TLN2: variants seen among roughly 807,000 people sequenced by gnomAD.
TLN2 encodes talin-2.
TLN2 carries 118 observed loss-of-function variants against 294.7 expected under a neutral mutation model. That is an observed-to-expected ratio of 0.40 (90% CI 0.34 to 0.47). The LOEUF is 0.47. TLN2 is among the 20% of genes least tolerant of loss of function. The probability of loss-of-function intolerance (pLI) is 0.84; values close to 1 mark genes in which losing one functional copy is unlikely to be tolerated. For missense variants in TLN2, 3,083 were observed against 3,282.2 expected, an observed-to-expected ratio of 0.94 and a Z score of 1.48; for synonymous variants, 1,431 against 1,304.5, an observed-to-expected ratio of 1.10 and a Z score of -2.09.
At chr15:62,623,438 C>T (rs981185745) in intron 3 of TLN2, among the ~76,000 whole-genome samples, 30 of 152,140 alleles carry the variant, frequency 2.0e-4, no homozygotes, top group African/African-American at 2.4e-5. Context: ...TCTACCAAAA[C>T]CAACTTACAT....
chr15:62,829,394 A>C (rs79880139), intron 54 of TLN2: 1 of 151,636 alleles, frequency 6.6e-6, no homozygotes, highest in Non-Finnish European at 1.5e-5. Flanking sequence ...GTGTAGGGGA[A>C]CTCCCCTTTA....
At chr15:62,812,676 G>A (rs900942121) in intron 52 of TLN2, among the ~76,000 whole-genome samples, 2 of 152,158 alleles carry the variant, frequency 1.3e-5, no homozygotes, top group African/African-American at 4.8e-5. Flanking sequence ...CCCAGTATCC[G>A]GGAATGAGGT....
intron 1 of TLN2, among the ~76,000 whole-genome samples, chr15:62,588,717 A>G (rs541783503): frequency 2.8e-5 from 4 of 141,284 alleles, no homozygotes; most frequent in South Asian, 2.3e-4. Context: ...TGAAATATAC[A>G]TATGAAGGCC....
chr15:62,576,686 A>G (rs1399049631), intron 1 of TLN2, among the ~76,000 whole-genome samples: 3 of 120,070 alleles, frequency 2.5e-5, no homozygotes, highest in Non-Finnish European at 4.9e-5. Context: ...CACATAAAAG[A>G]GTAATATGGA....
chr15:62,609,589 A>C (rs1019532017), intron 2 of TLN2, among the ~76,000 whole-genome samples: 3 of 152,178 alleles, frequency 2.0e-5, no homozygotes, highest in Admixed American at 1.3e-4. Context: ...GTGTCTTTCC[A>C]CATTCTTGAA....
At chr15:62,531,030 T>G (rs2041013617) in intron 1 of TLN2, among the ~76,000 whole-genome samples, 1 of 152,234 alleles carries the variant, frequency 6.6e-6, no homozygotes, top group Non-Finnish European at 1.5e-5. Context: ...TAGTATGTAT[T>G]GCCATTCAGA....
Position 62,762,409 on chromosome 15 carries a change from C to T in TLN2, c.4917C>T (p.Ser1639=). The T allele has an allele frequency of 6.2e-7, 1 of 1,614,158 alleles. No individual in the cohort carries two copies. ...CCTGGTCTGTACTGGCTGGACATTC[C>T]CATACAGTGTCCGACTCCATCAAGA... ...PPTWSVLAGH[S]HTVSDSIKSL... The change falls in exon 39 of 59, where the codon TCC becomes TCT. Residue 1639 remains serine, a synonymous_variant. Transcript: ENST00000636159.
rs531019898 is a variant in TLN2 at position 62,484,223 on chromosome 15, T to C, written c.-238+93538T>C. The stretch of plus-strand genomic sequence containing the variant: ...AGTGAATTGGACTTGGAGACTTGAA[T>C]GCTAGTGCTCTGGGCCACTGGTGTC... On this transcript the variant is annotated intron_variant, in intron 1 of 58. Coordinates refer to ENST00000636159, the MANE Select transcript of TLN2 (RefSeq NM_015059.3). 4.3e-3 allele frequency among the ~76,000 whole-genome samples: 648 copies of C among 152,276 alleles called. 4 individuals are homozygous for C. The highest frequency in any genetic ancestry group is 7.1e-3 in the Non-Finnish European group (486 of 68,026).
At chr15:62,649,290 A>C (rs1264360934) in intron 4 of TLN2, among the ~76,000 whole-genome samples, 5 of 127,430 alleles carry the variant, frequency 3.9e-5, no homozygotes, top group Non-Finnish European at 6.8e-5. Flanking sequence ...TTTCTGTCGG[A>C]TTTTTTTTTT....
intron 1 of TLN2, among the ~76,000 whole-genome samples, chr15:62,461,283 C>A (rs1471695101): frequency 6.6e-6 from 1 of 152,038 alleles, no homozygotes; most frequent in Admixed American, 6.6e-5. Context: ...ATGGACCTGC[C>A]CAGTGTGTCC....
At chr15:62,432,973 A>C (rs1455314129) in intron 1 of TLN2, among the ~76,000 whole-genome samples, 2 of 152,098 alleles carry the variant, frequency 1.3e-5, no homozygotes, top group African/African-American at 4.8e-5. Context: ...TGTTTGACAT[A>C]GTTTCTGAAA....
At position 62,768,407 on chromosome 15, in the gene TLN2, G is replaced by A. The variant is rs190709652; in HGVS notation, c.5196+1985G>A. ...TAATCACATTGTCACCTGCTCTTCG[G>A]TGTCTCTTCTGTCTCTTAGATGGAC... On this transcript the variant is annotated intron_variant, in intron 41 of 58. Transcript: ENST00000636159. Among the ~76,000 whole-genome samples the A allele has an allele frequency of 2.6e-3, 399 of 152,244 alleles. 2 individuals are homozygous for A. The highest frequency in any genetic ancestry group is 4.5e-3 in the Non-Finnish European group (306 of 68,012).
intron 41 of TLN2, among the ~76,000 whole-genome samples, chr15:62,770,150 A>T (rs1260313251): frequency 1.3e-5 from 2 of 152,148 alleles, no homozygotes; most frequent in Non-Finnish European, 2.9e-5. Flanking sequence ...CATGAGATGG[A>T]GCATGCGTCT....
rs977603898 is a variant in TLN2 at position 62,673,725 on chromosome 15, G to A, written c.789-102G>A. 4.7e-5 allele frequency: 39 copies of A among 828,728 alleles called. No individual in the cohort carries two copies. In the African/African-American group the frequency reaches 5.5e-4, roughly 12 times the overall value. 51.3% of individuals were successfully genotyped at this position (828,728 alleles called of 1,614,324 possible). Reference sequence around the variant, plus strand: ...TATTAATTACTCTATAAAATATTGGGAGACTTAGTGAGTTAACTATGAGTT... The same window carrying A: ...TATTAATTACTCTATAAAATATTGGAAGACTTAGTGAGTTAACTATGAGTT... On this transcript the variant is annotated intron_variant, in intron 9 of 58. Coordinates refer to ENST00000636159, the MANE Select transcript of TLN2 (RefSeq NM_015059.3).
Position 62,582,221 on chromosome 15 carries a change from C to CACACACACAT in TLN2, c.-237-7457_-237-7456insTACACACACA, listed in dbSNP as rs1567138585. On this transcript the variant is annotated intron_variant, in intron 1 of 58. Transcript: ENST00000636159. ...ACACACACACACACACACACACACA[C>CACACACACAT]ACACACACACACACACACACACACA... Among the ~76,000 whole-genome samples, 5 of 142,628 alleles carry CACACACACAT rather than the reference C, an allele frequency of 3.5e-5. No individual in the cohort carries two copies. In the South Asian group the frequency reaches 1.0e-3, roughly 29 times the overall value. 93.6% of individuals were successfully genotyped at this position (142,628 alleles called of 152,430 possible).
intron 28 of TLN2, among the ~76,000 whole-genome samples, chr15:62,736,148 TAAA>T (rs1168340142): frequency 6.6e-6 from 1 of 151,666 alleles, no homozygotes; most frequent in Admixed American, 6.6e-5. Flanking sequence ...CCGTCTCTAC[TAAA>T]AAAAGAAAAT....
intron 1 of TLN2, among the ~76,000 whole-genome samples, chr15:62,434,427 A>G (rs571549707): frequency 6.6e-6 from 1 of 152,202 alleles, no homozygotes; most frequent in South Asian, 2.1e-4. Flanking sequence ...CTGGCTCCCT[A>G]TTGACATTTG....
At chr15:62,411,473 G>GTGTGTGTGTTT in intron 1 of TLN2, among the ~76,000 whole-genome samples, 1 of 142,432 alleles carries the variant, frequency 7.0e-6, no homozygotes, top group Non-Finnish European at 1.5e-5. Flanking sequence ...GTGTGTGTGT[G>GTGTGTGTGTTT]TGTTTTGTTC....
chr15:62,529,001 C>T (rs77275513), intron 1 of TLN2, among the ~76,000 whole-genome samples: 34 of 152,150 alleles, frequency 2.2e-4, no homozygotes, highest in Admixed American at 8.5e-4. Context: ...ATAAGTAATA[C>T]TTTAATGGAG....
Sources: gnomAD v4.1 joint callset for allele counts (sites outside exome capture counted in the v4.1 genomes callset) on GRCh38, gnomAD v4.1.1 for gene constraint, MANE v1.5 for transcripts, NCBI Gene and HGNC (gene_info 2026-07-23, HGNC 2026-07-21) for gene names.